MAP4: variants seen among roughly 807,000 people sequenced by gnomAD.
MAP4 encodes the protein microtubule associated protein 4.
MAP4 carries 76 observed loss-of-function variants against 170.2 expected under a neutral mutation model. The ratio of observed to expected loss-of-function variants is 0.45; its 90% CI spans 0.37 to 0.54. The LOEUF is 0.54. Ranked by LOEUF, MAP4 falls within the 20% of genes least tolerant of loss-of-function variation. The probability of loss-of-function intolerance (pLI) is 0.00; values close to 1 mark genes in which losing one functional copy is unlikely to be tolerated. For synonymous variants in MAP4, 909 were observed against 994.5 expected, an observed-to-expected ratio of 0.91 and a Z score of 1.62; for missense variants, 2,506 against 2,748.0, an observed-to-expected ratio of 0.91 and a Z score of 1.97.
Position 47,911,142 on chromosome 3 carries a change from G to A in MAP4, c.3279C>T (p.Asp1093=), listed in dbSNP as rs537819778. ...CACTCGGTATGAGAACAGCCCTTCC[G>A]TCCTTCTGGCTGTCCAGAAGAAATG... ...ELPFLLDSQK[D]GRAVLIPSEP... The change falls in exon 9 of 21, where the codon GAC becomes GAT. Residue 1093 remains aspartate, a synonymous_variant. Transcript: ENST00000683076. The surrounding 1 kb of genome is among the most constrained non-coding windows in gnomAD (Gnocchi z 4.0). 128 of 1,536,060 alleles carry A rather than the reference G, an allele frequency of 8.3e-5. 2 individuals carry two copies. The East Asian group carries it at 2.1e-3, about 25-fold the overall frequency.
At chr3:47,974,529 A>T in intron 3 of MAP4, 1 of 979,996 alleles carries the variant, frequency 1.0e-6, no homozygotes, top group Non-Finnish European at 1.2e-6. Flanking sequence ...GAAGCTGCAT[A>T]ATCAGTAAAA....
chr3:47,914,776 CT>C, intron 8 of MAP4, 40 bp downstream of exon 8: 1 of 1,613,148 alleles, frequency 6.2e-7, no homozygotes, highest in Non-Finnish European at 8.5e-7. Flanking sequence ...TCTATCGCCC[CT>C]AATTTGTTTC....
chr3:48,050,831 G>C (rs576347565), intron 1 of MAP4, among the ~76,000 whole-genome samples: 1 of 151,668 alleles, frequency 6.6e-6, no homozygotes, highest in Admixed American at 6.6e-5. Context: ...CTTGAACCCA[G>C]GAGGCAGAGG....
At chr3:47,947,875 C>T (rs961545978) in intron 3 of MAP4, among the ~76,000 whole-genome samples, 1 of 151,738 alleles carries the variant, frequency 6.6e-6, no homozygotes, top group African/African-American at 2.4e-5. Context: ...CTTTGCATTA[C>T]TAATAGGTAA....
chr3:47,876,883 T>C (rs1025656592), intron 11 of MAP4: 2 of 152,136 alleles, frequency 1.3e-5, no homozygotes, highest in African/African-American at 4.8e-5. Context: ...TTAAGGGAAG[T>C]TGAAACAATC....
At chr3:48,016,845 C>T (rs1487219549), upstream of MAP4, among the ~76,000 whole-genome samples, 1 of 151,494 alleles carries the variant, frequency 6.6e-6, no homozygotes, top group Non-Finnish European at 1.5e-5. Flanking sequence ...GGCATGATCT[C>T]AGCTCACTAC....
At chr3:47,852,970 G>A in intron 20 of MAP4, 32 bp from the exon 21 acceptor site, 1 of 1,614,076 alleles carries the variant, frequency 6.2e-7, no homozygotes, top group Non-Finnish European at 8.5e-7. Flanking sequence ...GAAGGGAGAG[G>A]GGAACAGGGG....
chr3:48,037,356 C>T (rs980145157), intron 1 of MAP4, among the ~76,000 whole-genome samples: 2 of 152,092 alleles, frequency 1.3e-5, no homozygotes, highest in Non-Finnish European at 1.5e-5. Flanking sequence ...AATTCTTTCA[C>T]GCTTAATAAT....
intron 1 of MAP4, among the ~76,000 whole-genome samples, chr3:48,052,659 T>A (rs1167910825): frequency 6.6e-6 from 1 of 152,258 alleles, no homozygotes; most frequent in Non-Finnish European, 1.5e-5. Flanking sequence ...CTATTCTTTT[T>A]AAAATTCAGA....
rs145549185 is a variant in MAP4, at chr3:47,998,684, G to A, written c.177C>T (p.Asn59=). The part of the protein sequence containing the change: ...PLLDVDEKTG[N]SESKKKPCSE... Reference sequence around the variant, plus strand: ...AGCACGGTTTCTTCTTTGACTCTGAGTTCCCGGTTTTCTCATCAACATCCA... The same window carrying A: ...AGCACGGTTTCTTCTTTGACTCTGAATTCCCGGTTTTCTCATCAACATCCA... Residue 59 remains asparagine, a synonymous_variant, in exon 2 of 21, where the codon AAC becomes AAT. Transcript: ENST00000683076. The A allele has an allele frequency of 1.2e-6, 2 of 1,614,130 alleles. No individual in the cohort carries two copies. The highest frequency in any genetic ancestry group is 1.7e-6 in the Non-Finnish European group (2 of 1,180,006).
intron 1 of MAP4, among the ~76,000 whole-genome samples, chr3:48,036,823 T>A (rs909324176): frequency 6.6e-6 from 1 of 152,246 alleles, no homozygotes; most frequent in Non-Finnish European, 1.5e-5. Flanking sequence ...TAATATAGTA[T>A]CTTCTGGTGT....
At chr3:48,068,239 T>C (rs2100139235) in intron 1 of MAP4, among the ~76,000 whole-genome samples, 1 of 122,508 alleles carries the variant, frequency 8.2e-6, no homozygotes, top group African/African-American at 3.2e-5. Flanking sequence ...CACTCCAACC[T>C]GGGTAACAGA....
intron 3 of MAP4, among the ~76,000 whole-genome samples, chr3:47,943,770 A>C (rs2100057980): frequency 6.6e-6 from 1 of 152,072 alleles, no homozygotes; most frequent in African/African-American, 2.4e-5. Flanking sequence ...CAGGAAGGAG[A>C]TAACTTTAAG....
intron 3 of MAP4, among the ~76,000 whole-genome samples, chr3:47,952,707 G>A (rs1368264173): frequency 2.0e-5 from 3 of 151,546 alleles, no homozygotes; most frequent in Non-Finnish European, 2.9e-5. Flanking sequence ...GTCAGATCGC[G>A]AGATCAGGAG....
chr3:48,054,629 C>CAAAAA (rs745809251), intron 1 of MAP4, among the ~76,000 whole-genome samples: 5 of 39,540 alleles, frequency 1.3e-4, no homozygotes, highest in Non-Finnish European at 2.0e-4. Context: ...GACTCCATCT[C>CAAAAA]AAAAAAAAAA....
At chr3:47,945,575 T>C (rs1046462334) in intron 3 of MAP4, among the ~76,000 whole-genome samples, 1 of 151,988 alleles carries the variant, frequency 6.6e-6, no homozygotes, top group Non-Finnish European at 1.5e-5. Flanking sequence ...AAAAAATTCA[T>C]CTGGAGATAA....
intron 10 of MAP4, chr3:47,892,469 G>C: frequency 6.5e-7 from 1 of 1,532,024 alleles, no homozygotes; most frequent in Non-Finnish European, 8.7e-7. Flanking sequence ...GAGAGAGGCT[G>C]TCTGCTTGTC....
At chr3:48,023,655 A>G (rs914336634) in intron 1 of MAP4, among the ~76,000 whole-genome samples, 2 of 152,252 alleles carry the variant, frequency 1.3e-5, no homozygotes, top group Non-Finnish European at 2.9e-5. Context: ...GCTAGACTGA[A>G]CATGGTAGAC....
At chr3:47,978,142 A>T (rs542482952) in intron 2 of MAP4, among the ~76,000 whole-genome samples, 1 of 152,316 alleles carries the variant, frequency 6.6e-6, no homozygotes, top group Non-Finnish European at 1.5e-5. Flanking sequence ...CAAGCTCTGT[A>T]AAGTACCAGT....
Sources: gnomAD v4.1 joint callset for allele counts (sites outside exome capture counted in the v4.1 genomes callset) on GRCh38, gnomAD v4.1.1 for gene constraint, Gnocchi (gnomAD v3.1) non-coding constraint, MANE v1.5 for transcripts, NCBI Gene and HGNC (gene_info 2026-07-23, HGNC 2026-07-21) for gene names.